NDRG2: variants seen among roughly 807,000 people sequenced by gnomAD.
NDRG2 encodes the protein NDRG family member 2, also known as protein NDRG2.
In NDRG2, 34 loss-of-function variants were observed where a neutral mutation model predicts 58.2. The observed-to-expected ratio is 0.58, with a 90% CI of 0.44 to 0.78. The LOEUF is 0.78. Ranked by LOEUF, NDRG2 falls within the 30% of genes least tolerant of loss-of-function variation. The pLI, the probability that NDRG2 is intolerant of heterozygous loss-of-function variation, is 0.00. For missense variants in NDRG2, 434 were observed against 471.2 expected, an observed-to-expected ratio of 0.92 and a Z score of 0.73; for synonymous variants, 187 against 175.9, an observed-to-expected ratio of 1.06 and a Z score of -0.50.
At chr14:21,057,790 G>A in intron 1 of NDRG2, 2 of 979,622 alleles carry the variant, frequency 2.0e-6, no homozygotes, top group South Asian at 3.2e-5. Flanking sequence ...TGCAATAACT[G>A]GCTTAGGGTA....
intron 1 of NDRG2, 184 bp downstream of exon 1, chr14:21,023,846 G>C (rs775144452): frequency 4.3e-6 from 2 of 463,662 alleles, no homozygotes; most frequent in Non-Finnish European, 5.7e-6. Context: ...ACCAATGGGG[G>C]AGGTGGGGAA....
chr14:21,057,329 G>C (rs1462797778), intron 1 of NDRG2, among the ~76,000 whole-genome samples: 2 of 152,006 alleles, frequency 1.3e-5, no homozygotes, highest in East Asian at 1.9e-4. Flanking sequence ...CCAGCTACTT[G>C]GGAGGCTGAG....
Position 21,019,146 on chromosome 14 carries a change from T to C in NDRG2, c.731A>G (p.Asn244Ser). ...GGTGATATCACCTCCACGCTCAAAG[T>C]TCAGGTCTCGGCGGCTAGAAAGGGG... ...WNSYNNRRDL[N>S]FERGGDITLR... Residue 244 changes from asparagine (N) to serine (S), a missense_variant, in exon 11 of 16, where the codon AAC (asparagine) becomes AGC (serine). By Grantham distance (46) the Asn-to-Ser change is conservative. Transcript: ENST00000556147. 6.2e-7 allele frequency: 1 copy of C among 1,611,842 alleles called. No individual in the cohort carries two copies. The highest frequency in any genetic ancestry group is 8.5e-7 in the Non-Finnish European group (1 of 1,179,354).
At chr14:21,060,802 T>G (rs1422973750) in intron 1 of NDRG2, among the ~76,000 whole-genome samples, 5 of 152,190 alleles carry the variant, frequency 3.3e-5, no homozygotes, top group African/African-American at 4.8e-5. Context: ...TCATTCAAAG[T>G]CCTAATCTAA....
chr14:21,036,330 T>C (rs375301931), intron 1 of NDRG2: 3 of 453,126 alleles, frequency 6.6e-6, no homozygotes, highest in South Asian at 4.7e-5. Flanking sequence ...TTGTTTCTCA[T>C]AGGGTAGGGG....
rs369336056 is a variant in NDRG2 at position 21,022,525 on chromosome 14, A to G, written c.118-28T>C. 3.0e-5 allele frequency: 46 copies of G among 1,553,004 alleles called. No individual in the cohort carries two copies. In the African/African-American group the frequency reaches 6.1e-4, roughly 21 times the overall value. On this transcript the variant is annotated intron_variant, in intron 3 of 15. Transcript: ENST00000556147. ...GCAGGAAAACAGGGCACCAAGAGCT[A>G]GGCTCAGAGGAGACGAGGCCAGAAA...
intron 1 of NDRG2, chr14:21,058,245 G>T (rs1163085303): frequency 1.2e-6 from 2 of 1,614,146 alleles, no homozygotes; most frequent in Non-Finnish European, 8.5e-7. Flanking sequence ...TACCCAAACT[G>T]CAGGTACAAA....
At chr14:21,040,061 G>A (rs1453420937) in intron 1 of NDRG2, among the ~76,000 whole-genome samples, 2 of 152,158 alleles carry the variant, frequency 1.3e-5, no homozygotes, top group African/African-American at 4.8e-5. Context: ...ACACAGCCTG[G>A]TTTAAACCGT....
Position 21,017,455 on chromosome 14 carries a change from G to A in NDRG2, c.*141C>T. The A allele has an allele frequency of 4.4e-6, 4 of 918,558 alleles. 1 individual carries two copies. The South Asian group carries it at 7.0e-5, about 16-fold the overall frequency. The allele number at this position is 918,558 out of a possible 1,614,324, so 56.9% of individuals were successfully genotyped here. A position where few individuals can be genotyped will look rare whatever the true frequency, so the allele number is the denominator to read the frequency against. On this transcript the variant is annotated 3_prime_UTR_variant, in exon 16 of 16. Transcript: ENST00000556147. ...CGGGTTAAAGGTCAAGGTTAGGGTA[G>A]CAATCAAAGATCAAGGTCATCTCCC...
At chr14:21,055,194 G>C (rs1885621580) in intron 1 of NDRG2, among the ~76,000 whole-genome samples, 1 of 152,160 alleles carries the variant, frequency 6.6e-6, no homozygotes, top group Non-Finnish European at 1.5e-5. Flanking sequence ...GACTGGCACT[G>C]TTCCTTCTGC....
At chr14:21,064,886 C>T (rs1444929236) in intron 1 of NDRG2, among the ~76,000 whole-genome samples, 3 of 152,020 alleles carry the variant, frequency 2.0e-5, no homozygotes, top group Non-Finnish European at 2.9e-5. Context: ...AATTCTGTCC[C>T]GTGGCCGGGC....
chr14:21,067,266 G>A (rs1400105316), intron 1 of NDRG2, among the ~76,000 whole-genome samples: 1 of 133,632 alleles, frequency 7.5e-6, no homozygotes, highest in Non-Finnish European at 1.6e-5. Context: ...TCTATAACAA[G>A]TCTAGAAAAA....
At chr14:21,060,151 G>A (rs1885883765) in intron 1 of NDRG2, among the ~76,000 whole-genome samples, 1 of 152,154 alleles carries the variant, frequency 6.6e-6, no homozygotes, top group Non-Finnish European at 1.5e-5. Context: ...CTATGATTCA[G>A]AGTAAGGAAA....
In NDRG2 at chr14:21,018,510, G is replaced by A; in HGVS notation, c.814-6C>T. The stretch of plus-strand genomic sequence containing the variant: ...AGTTTTGAGTTACATTCCACCTGGA[G>A]TAAGCAGGAGGCTGAATGAATGAGG... On this transcript the variant is annotated splice_region_variant and splice_polypyrimidine_tract_variant and intron_variant, in intron 12 of 15. Transcript: ENST00000556147. The A allele has an allele frequency of 6.2e-7, 1 of 1,613,940 alleles. No homozygotes were observed. The highest frequency in any genetic ancestry group is 1.1e-5 in the South Asian group (1 of 91,046).
chr14:21,032,591 C>G (rs920948155), intron 1 of NDRG2: 3 of 344,820 alleles, frequency 8.7e-6, no homozygotes, highest in Non-Finnish European at 1.7e-5. Context: ...ACTTCTATTA[C>G]AAATTTGTTC....
chr14:21,022,657 A>T, intron 3 of NDRG2, 160 bp from the exon 4 acceptor site: 1 of 672,774 alleles, frequency 1.5e-6, no homozygotes. Context: ...ATGATACCGG[A>T]AGATGAGTTT....
upstream of NDRG2, among the ~76,000 whole-genome samples, chr14:21,026,112 A>G (rs1246602070): frequency 6.6e-6 from 1 of 151,816 alleles, no homozygotes; most frequent in Non-Finnish European, 1.5e-5. Flanking sequence ...TCGGTGCCCG[A>G]GTGGGTTTGC....
intron 1 of NDRG2, among the ~76,000 whole-genome samples, chr14:21,064,396 G>A: frequency 8.5e-6 from 1 of 117,364 alleles, no homozygotes; most frequent in South Asian, 2.9e-4. Flanking sequence ...CTGCCCCTTG[G>A]GTTCAAGCGA....
chr14:21,030,659 C>T, upstream of NDRG2: 2 of 1,613,898 alleles, frequency 1.2e-6, no homozygotes, highest in Non-Finnish European at 1.7e-6. Context: ...CTGAAATGAA[C>T]AACAAGAACT....
Sources: allele counts gnomAD v4.1 joint callset (sites outside exome capture counted in the v4.1 genomes callset), GRCh38; gene constraint gnomAD v4.1.1; transcripts MANE v1.5; gene names NCBI Gene and HGNC (gene_info 2026-07-23, HGNC 2026-07-21).